Variants in OPCML observed in about 807,000 individuals in gnomAD.
OPCML encodes opioid-binding protein/cell adhesion molecule.
OPCML carries 13 observed loss-of-function variants against 37.8 expected under a neutral mutation model. That is an observed-to-expected ratio of 0.34 (90% CI 0.22 to 0.55). OPCML has a LOEUF of 0.55. Among genes scored for constraint, OPCML ranks in the 20% least tolerant of loss-of-function variants. The pLI, the probability that OPCML is intolerant of heterozygous loss-of-function variation, is 0.91. For missense variants in OPCML, 341 were observed against 435.6 expected (o/e 0.78, Z 1.93); for synonymous variants, 176 against 168.8 (o/e 1.04, Z -0.33).
chr11:133,281,587 A>G (rs111522097), intron 1 of OPCML, among the ~76,000 whole-genome samples: 1,777 of 152,102 alleles, frequency 0.012, 24 homozygotes, highest in African/African-American at 0.041. Context: ...CATTGGTACC[A>G]AGGAGTGGGG....
At chr11:132,487,158 A>G (rs561834540) in intron 4 of OPCML, among the ~76,000 whole-genome samples, 112 of 152,322 alleles carry the variant, frequency 7.4e-4, no homozygotes, top group Non-Finnish European at 1.4e-3. Flanking sequence ...GAAACAAACA[A>G]CAGTTGCTAC....
chr11:132,919,337 T>C (rs1284939266), intron 2 of OPCML, among the ~76,000 whole-genome samples: 1 of 152,150 alleles, frequency 6.6e-6, no homozygotes, highest in African/African-American at 2.4e-5. Flanking sequence ...GAAATTCACA[T>C]GTGCAGACAT....
chr11:133,412,974 T>G (rs1373570553), intron 1 of OPCML, among the ~76,000 whole-genome samples: 2 of 152,160 alleles, frequency 1.3e-5, no homozygotes, highest in South Asian at 2.1e-4. Context: ...TTGGGAGGAC[T>G]TACATTTCTG....
rs566873769 is a variant in OPCML, at chr11:132,948,746, C to G, written c.62-5736G>C. On this transcript the variant is annotated intron_variant, in intron 1 of 7. Transcript: ENST00000524381. ...ACATTTCACCAAATTACTTGGCACA[C>G]TGGAAAATTTAATAATCATGAATTA... Among the ~76,000 whole-genome samples the G allele has an allele frequency of 5.4e-4, 82 of 152,256 alleles. 1 individual carries two copies. The highest frequency in any genetic ancestry group is 1.7e-3 in the African/African-American group (69 of 41,540).
chr11:132,821,852 T>C (rs1940006380), intron 2 of OPCML, among the ~76,000 whole-genome samples: 1 of 152,116 alleles, frequency 6.6e-6, no homozygotes, highest in Non-Finnish European at 1.5e-5. Flanking sequence ...GCATATGCAT[T>C]GCACTCGGTT....
intron 1 of OPCML, among the ~76,000 whole-genome samples, chr11:133,528,092 A>G (rs1026486408): frequency 6.6e-6 from 1 of 152,202 alleles, no homozygotes; most frequent in Non-Finnish European, 1.5e-5. Flanking sequence ...AGAAAGCACA[A>G]AGGCAGACAG....
chr11:133,080,263 C>T lies in OPCML; in HGVS notation c.62-137253G>A, dbSNP rs538033914. Among the ~76,000 whole-genome samples the T allele has an allele frequency of 5.3e-5, 8 of 152,180 alleles. No homozygotes were observed. In the South Asian group the frequency reaches 8.3e-4, roughly 16 times the overall value. ...CCAGTGTGTCCCCTCATCACCCATG[C>T]GGTCTTGTGAGAATGTGGGTTCAGC... On this transcript the variant is annotated intron_variant, in intron 1 of 7. Transcript: ENST00000524381.
chr11:133,109,888 T>C (rs1199610041), intron 1 of OPCML, among the ~76,000 whole-genome samples: 4 of 152,188 alleles, frequency 2.6e-5, no homozygotes, highest in African/African-American at 9.7e-5. Flanking sequence ...GAATAAGCCA[T>C]AAACCTAGAG....
At chr11:133,473,459 T>C (rs540777417) in intron 1 of OPCML, among the ~76,000 whole-genome samples, 3 of 152,306 alleles carry the variant, frequency 2.0e-5, no homozygotes, top group South Asian at 4.1e-4. Flanking sequence ...TCAACCCCTT[T>C]AAAAAGTTGA....
At chr11:133,228,189 T>C (rs1481207575) in intron 1 of OPCML, among the ~76,000 whole-genome samples, 1 of 152,192 alleles carries the variant, frequency 6.6e-6, no homozygotes, top group Non-Finnish European at 1.5e-5. Context: ...CGTGACACTG[T>C]ATACGTCTTT....
At chr11:132,704,280 G>T (rs1943947405) in intron 2 of OPCML, among the ~76,000 whole-genome samples, 1 of 152,152 alleles carries the variant, frequency 6.6e-6, no homozygotes, top group Admixed American at 6.5e-5. Flanking sequence ...TTTTTCTGAA[G>T]AAGTTACCTG....
chr11:132,858,205 G>A (rs2136349568), intron 2 of OPCML, among the ~76,000 whole-genome samples: 1 of 152,294 alleles, frequency 6.6e-6, no homozygotes, highest in Admixed American at 6.5e-5. Flanking sequence ...TAGCCTGTCT[G>A]CACAGCTCTC....
chr11:132,498,362 G>T (rs1039440562), intron 4 of OPCML, among the ~76,000 whole-genome samples: 1 of 152,128 alleles, frequency 6.6e-6, no homozygotes, highest in Non-Finnish European at 1.5e-5. Context: ...TATTTCCATA[G>T]GTTTCCATGC....
chr11:133,509,111 G>C (rs939034720), intron 1 of OPCML, among the ~76,000 whole-genome samples: 2 of 152,072 alleles, frequency 1.3e-5, no homozygotes, highest in Non-Finnish European at 2.9e-5. Context: ...GGACGTGCAG[G>C]TTTGTTACAT....
chr11:132,760,043 A>AT (rs1234542148), intron 2 of OPCML, among the ~76,000 whole-genome samples: 1 of 152,074 alleles, frequency 6.6e-6, no homozygotes, highest in Admixed American at 6.5e-5. Context: ...TTCTTCCTTA[A>AT]TTTTTTTATC....
intron 3 of OPCML, among the ~76,000 whole-genome samples, chr11:132,619,268 A>G (rs1229401565): frequency 6.6e-6 from 1 of 152,124 alleles, no homozygotes; most frequent in African/African-American, 2.4e-5. Context: ...AGCACTCCCC[A>G]TTTCTTTCAG....
At chr11:133,320,363 G>A (rs1038989282) in intron 1 of OPCML, among the ~76,000 whole-genome samples, 1 of 152,084 alleles carries the variant, frequency 6.6e-6, no homozygotes, top group Non-Finnish European at 1.5e-5. Context: ...GATGAAACTG[G>A]TTTTGGGTCC....
intron 3 of OPCML, among the ~76,000 whole-genome samples, chr11:132,616,770 C>T (rs533202142): frequency 6.6e-6 from 1 of 152,298 alleles, no homozygotes; most frequent in African/African-American, 2.4e-5. Flanking sequence ...TTGCTACACA[C>T]AGAAGATAAA....
intron 4 of OPCML, among the ~76,000 whole-genome samples, chr11:132,456,147 C>T (rs948138418): frequency 6.6e-6 from 1 of 152,196 alleles, no homozygotes; most frequent in African/African-American, 2.4e-5. Context: ...GAGACACCTA[C>T]AGAGGTTCAG....
Sources: gnomAD v4.1 joint callset for allele counts (sites outside exome capture counted in the v4.1 genomes callset) on GRCh38, gnomAD v4.1.1 for gene constraint, MANE v1.5 for transcripts, NCBI Gene and HGNC (gene_info 2026-07-23, HGNC 2026-07-21) for gene names.